The following PITPNB variants were observed in gnomAD, a reference collection of about 807,000 sequenced individuals.
PITPNB encodes phosphatidylinositol transfer protein beta, also known as phosphatidylinositol transfer protein beta isoform.
In PITPNB, 16 loss-of-function variants were observed where a neutral mutation model predicts 45.9. The ratio of observed to expected loss-of-function variants is 0.35; its 90% CI spans 0.24 to 0.53. PITPNB has a LOEUF of 0.53. Ranked by LOEUF, PITPNB falls within the 20% of genes least tolerant of loss-of-function variation. PITPNB has a pLI of 0.93. For synonymous variants in PITPNB, 112 were observed against 108.9 expected, an observed-to-expected ratio of 1.03 and a Z score of -0.18; for missense variants, 188 against 330.5, an observed-to-expected ratio of 0.57 and a Z score of 3.34.
At chr22:27,880,326 G>C (rs1934933399) in intron 7 of PITPNB, among the ~76,000 whole-genome samples, 1 of 152,168 alleles carries the variant, frequency 6.6e-6, no homozygotes, top group African/African-American at 2.4e-5. Context: ...TTAAAAAAGA[G>C]TTTACATGGC....
chr22:27,901,839 A>G (rs1405038457), intron 3 of PITPNB, among the ~76,000 whole-genome samples: 1 of 152,104 alleles, frequency 6.6e-6, no homozygotes, highest in Non-Finnish European at 1.5e-5. Context: ...AGCCAAGATC[A>G]CACCACTGTA....
chr22:27,892,173 C>T (rs2267125), intron 7 of PITPNB, among the ~76,000 whole-genome samples: 14,928 of 152,222 alleles, frequency 0.098, 805 homozygotes, highest in Middle Eastern at 0.2. Context: ...GCACCTATCT[C>T]AAGTGCTGCT....
At chr22:27,911,171 C>G (rs1935910459) in intron 2 of PITPNB, 62 bp from the exon 3 acceptor site, 2 of 1,198,662 alleles carry the variant, frequency 1.7e-6, no homozygotes, top group Admixed American at 3.4e-5. Flanking sequence ...ATTTAGTATG[C>G]TAAAATCTTA....
At chr22:27,855,688 G>A (rs1478537732) in intron 10 of PITPNB, among the ~76,000 whole-genome samples, 1 of 152,236 alleles carries the variant, frequency 6.6e-6, no homozygotes, top group Non-Finnish European at 1.5e-5. Context: ...CAGCTGCTGA[G>A]CCTCAACTCC....
At chr22:27,861,614 T>C (rs1047223608) in intron 8 of PITPNB, among the ~76,000 whole-genome samples, 1 of 152,162 alleles carries the variant, frequency 6.6e-6, no homozygotes, top group African/African-American at 2.4e-5. Flanking sequence ...GGTCCTGTCC[T>C]CAGGGGCTCG....
intron 3 of PITPNB, among the ~76,000 whole-genome samples, chr22:27,902,906 A>G (rs1402637836): frequency 6.6e-6 from 1 of 152,128 alleles, no homozygotes; most frequent in East Asian, 1.9e-4. Flanking sequence ...TTTTTTGTAA[A>G]GATGGGGTCG....
At chr22:27,883,343 AC>A (rs1935028001) in intron 7 of PITPNB, among the ~76,000 whole-genome samples, 1 of 152,226 alleles carries the variant, frequency 6.6e-6, no homozygotes. Flanking sequence ...TCCCTGGGCT[AC>A]AAATTCTTTT....
At chr22:27,865,095 G>A (rs1055528508) in intron 8 of PITPNB, among the ~76,000 whole-genome samples, 1 of 151,976 alleles carries the variant, frequency 6.6e-6, no homozygotes, top group African/African-American at 2.4e-5. Context: ...CCAAATAATA[G>A]TAATTAAATG....
chr22:27,879,654 C>T (rs530533067), intron 7 of PITPNB, among the ~76,000 whole-genome samples: 4 of 152,168 alleles, frequency 2.6e-5, no homozygotes, highest in South Asian at 2.1e-4. Context: ...AAGTTAATTC[C>T]ATAAAGGTGT....
chr22:27,889,169 C>A (rs561803468), intron 7 of PITPNB, among the ~76,000 whole-genome samples: 1 of 152,236 alleles, frequency 6.6e-6, no homozygotes, highest in South Asian at 2.1e-4. Flanking sequence ...ATCCTGATAA[C>A]CTGAGGGAGG....
chr22:27,873,700 C>T, intron 8 of PITPNB, 38 bp downstream of exon 8: 1 of 1,287,094 alleles, frequency 7.8e-7, no homozygotes, highest in South Asian at 1.2e-5. Flanking sequence ...TGTTCTGTTG[C>T]CAAGACTCTG....
intron 8 of PITPNB, among the ~76,000 whole-genome samples, chr22:27,873,466 C>A (rs963519602): frequency 6.6e-6 from 1 of 152,142 alleles, no homozygotes; most frequent in African/African-American, 2.4e-5. Flanking sequence ...CAAAAGAGAA[C>A]ATTAGAATCC....
intron 2 of PITPNB, among the ~76,000 whole-genome samples, chr22:27,913,552 A>T: frequency 6.6e-6 from 1 of 152,208 alleles, no homozygotes; most frequent in East Asian, 1.9e-4. Context: ...CAGGACATGC[A>T]AGTTCTGAAT....
At chr22:27,890,542 C>T (rs367852968) in intron 7 of PITPNB, among the ~76,000 whole-genome samples, 18 of 152,034 alleles carry the variant, frequency 1.2e-4, no homozygotes, top group African/African-American at 3.1e-4. Flanking sequence ...AAGCTGGGCG[C>T]GGTGGCTCAT....
chr22:27,861,403 CCTTA>C (rs750542016), intron 8 of PITPNB, among the ~76,000 whole-genome samples: 2 of 152,134 alleles, frequency 1.3e-5, no homozygotes, highest in Admixed American at 6.5e-5. Flanking sequence ...TAAGGCTTTG[CCTTA>C]CTTAGTGAGT....
In PITPNB at chr22:27,910,979, A is replaced by G. The variant is rs755865057; in HGVS notation, c.182T>C (p.Ile61Thr). ...CACCGCTTACCTCTTTAGGTGATAA[A>G]TTTTGTGCGTATACTGTCCCTTTTC... ...DGEKGQYTHKIYHLKSKVPAF... is the reference protein window; with the variant it reads ...DGEKGQYTHKTYHLKSKVPAF... The change falls in exon 3 of 12, where the codon ATT becomes ACT. Residue 61 changes from isoleucine (I) to threonine (T), a missense_variant. Physicochemically the swap from Ile to Thr is moderately conservative, Grantham distance 89 (BLOSUM62 -1). Coordinates refer to ENST00000335272, the MANE Select transcript of PITPNB (RefSeq NM_012399.5). 145 of 1,613,272 alleles carry G rather than the reference A, an allele frequency of 9.0e-5. No individual in the cohort carries two copies. Among genetic ancestry groups the G allele is most frequent in the Non-Finnish European group, 1.2e-4 (139 of 1,179,384 alleles).
In PITPNB at chr22:27,853,631, G is replaced by A. The variant is rs1934089404; in HGVS notation, c.*71C>T. On this transcript the variant is annotated 3_prime_UTR_variant, in exon 12 of 12. Coordinates refer to ENST00000335272, the MANE Select transcript of PITPNB (RefSeq NM_012399.5). ...TTCTTCTTCACTCATCACTGGCTGC[G>A]CTTGTTCCCCTCACTTGACCTTGAT... 3.2e-6 allele frequency: 5 copies of A among 1,550,828 alleles called. No homozygotes were observed. Among genetic ancestry groups the A allele is most frequent in the East Asian group, 4.9e-5 (2 of 40,920 alleles).
intron 7 of PITPNB, among the ~76,000 whole-genome samples, chr22:27,884,955 G>T (rs181473712): frequency 1.1e-4 from 16 of 150,666 alleles, no homozygotes; most frequent in Admixed American, 5.3e-4. Context: ...GAGGAAGGCT[G>T]ATACAATCCT....
At position 27,912,544 on chromosome 22, in the gene PITPNB, T is replaced by A. The variant is rs181855317; in HGVS notation, c.52-1435A>T. ...TTTGGTCAGGAACACACAATAACAA[T>A]ATTCAAATGAACTGTATCCAAAAAA... On this transcript the variant is annotated intron_variant, in intron 2 of 11. Transcript: ENST00000335272. Among the ~76,000 whole-genome samples the A allele has an allele frequency of 6.8e-3, 1,028 of 151,978 alleles. 7 individuals carry two copies. The highest frequency in any genetic ancestry group is 0.023 in the African/African-American group (933 of 41,452).
Sources: gnomAD v4.1 joint callset for allele counts (sites outside exome capture counted in the v4.1 genomes callset) on GRCh38, gnomAD v4.1.1 for gene constraint, MANE v1.5 for transcripts, NCBI Gene and HGNC (gene_info 2026-07-23, HGNC 2026-07-21) for gene names.